The following SORCS1 variants were observed in gnomAD, a reference collection of about 807,000 sequenced individuals.
SORCS1 encodes the protein sortilin related VPS10 domain containing receptor 1, also known as VPS10 domain-containing receptor SorCS1.
Under a neutral mutation model 146.1 loss-of-function variants are expected in SORCS1, and 60 were observed. The ratio of observed to expected loss-of-function variants is 0.41; its 90% CI spans 0.33 to 0.51. The LOEUF is 0.51. Among genes scored for constraint, SORCS1 ranks in the 20% least tolerant of loss-of-function variants. The probability of loss-of-function intolerance (pLI) is 0.21; values close to 1 mark genes in which losing one functional copy is unlikely to be tolerated. For missense variants in SORCS1, 1,352 were observed against 1,487.6 expected (o/e 0.91, Z 1.50); for synonymous variants, 637 against 584.0 (o/e 1.09, Z -1.31).
At chr10:106,786,448 T>C (rs1193221389) in intron 3 of SORCS1, among the ~76,000 whole-genome samples, 9 of 152,148 alleles carry the variant, frequency 5.9e-5, no homozygotes, top group African/African-American at 9.7e-5. Context: ...AGTTTCATAA[T>C]AGTTGAATTT....
At chr10:106,694,073 A>T (rs1853506923) in intron 9 of SORCS1, among the ~76,000 whole-genome samples, 1 of 152,134 alleles carries the variant, frequency 6.6e-6, no homozygotes, top group South Asian at 2.1e-4. Context: ...TGTGGATGGG[A>T]TATTTTTCTC....
chr10:106,825,025 CA>C (rs1948231293), intron 3 of SORCS1, among the ~76,000 whole-genome samples: 1 of 152,038 alleles, frequency 6.6e-6, no homozygotes, highest in Non-Finnish European at 1.5e-5. Context: ...TTGGCTTTTC[CA>C]AGTAAAAAAC....
intron 19 of SORCS1, among the ~76,000 whole-genome samples, chr10:106,628,656 C>A (rs564600719): frequency 6.6e-6 from 1 of 152,276 alleles, no homozygotes; most frequent in South Asian, 2.1e-4. Flanking sequence ...TTTTTATACT[C>A]TTTCTCTCTA....
At chr10:107,129,899 G>A (rs1016017887) in intron 1 of SORCS1, among the ~76,000 whole-genome samples, 1 of 152,204 alleles carries the variant, frequency 6.6e-6, no homozygotes, top group Non-Finnish European at 1.5e-5. Context: ...CTTTGCTCAA[G>A]TGGGAGTTTC....
At chr10:107,011,021 G>A (rs895747522) in intron 1 of SORCS1, among the ~76,000 whole-genome samples, 1 of 152,158 alleles carries the variant, frequency 6.6e-6, no homozygotes, top group Non-Finnish European at 1.5e-5. Context: ...CTGCCTAGAC[G>A]GATGAAGGCA....
At position 106,916,336 on chromosome 10, in the gene SORCS1, T is replaced by C. The variant is rs886079055; in HGVS notation, c.626+40177A>G. On this transcript the variant is annotated intron_variant, in intron 2 of 25. Transcript: ENST00000263054. ...ATGAATGAATGAAGTGGAAAGTTGA[T>C]TGATGGCAATACATTTTTTTTCCAT... Among the ~76,000 whole-genome samples the C allele has an allele frequency of 3.3e-5, 5 of 152,164 alleles. No homozygotes were observed. The East Asian group carries it at 9.7e-4, about 29-fold the overall frequency.
intron 25 of SORCS1, 79 bp from the exon 26 acceptor site, chr10:106,577,634 G>A (rs966608734): frequency 7.6e-6 from 12 of 1,581,834 alleles, no homozygotes; most frequent in South Asian, 4.6e-5. Flanking sequence ...AATGTGCTGC[G>A]ATATCTTCCT....
At chr10:106,989,877 G>A (rs1017026346) in intron 1 of SORCS1, among the ~76,000 whole-genome samples, 9 of 151,446 alleles carry the variant, frequency 5.9e-5, no homozygotes, top group African/African-American at 9.7e-5. Context: ...TAGTACAGAC[G>A]GGGTTTAACC....
chr10:106,909,695 AT>A lies in SORCS1; in HGVS notation c.626+46817del, dbSNP rs764725095. 5.3e-5 allele frequency among the ~76,000 whole-genome samples: 8 copies of A among 152,236 alleles called. No homozygotes were observed. The East Asian group carries it at 7.7e-4, about 15-fold the overall frequency. ...GTTGTGTGCATTCTGTGAATGATTA[AT>A]TTTTTAAATTATTTTTGGCTCCAAC... On this transcript the variant is annotated intron_variant, in intron 2 of 25. Coordinates refer to ENST00000263054, the MANE Select transcript of SORCS1 (RefSeq NM_052918.5).
intron 2 of SORCS1, among the ~76,000 whole-genome samples, chr10:106,915,900 G>T (rs1329983585): frequency 6.6e-6 from 1 of 152,152 alleles, no homozygotes. Flanking sequence ...TCTCCTCCAG[G>T]AGGAGCAATG....
chr10:106,625,183 C>A (rs1217699968), intron 19 of SORCS1, among the ~76,000 whole-genome samples: 1 of 149,466 alleles, frequency 6.7e-6, no homozygotes, highest in Admixed American at 6.7e-5. Flanking sequence ...GCCCGTGAGG[C>A]TGCACATTGT....
chr10:107,175,043 C>T, the SORCS1 span, among the ~76,000 whole-genome samples: 1 of 152,160 alleles, frequency 6.6e-6, no homozygotes, highest in Non-Finnish European at 1.5e-5. Flanking sequence ...TTTTTCTCCT[C>T]TGTTCTGTCA....
intron 2 of SORCS1, among the ~76,000 whole-genome samples, chr10:106,949,940 T>G (rs1954584419): frequency 6.6e-6 from 1 of 152,124 alleles, no homozygotes; most frequent in South Asian, 2.1e-4. Context: ...ATTGCCCTAG[T>G]ATAACAGGGA....
At chr10:107,007,891 A>C (rs1367711854) in intron 1 of SORCS1, among the ~76,000 whole-genome samples, 1 of 152,212 alleles carries the variant, frequency 6.6e-6, no homozygotes, top group Non-Finnish European at 1.5e-5. Context: ...GTTCTTGGCC[A>C]AAAGGCCAGG....
At chr10:107,100,211 G>A (rs558349010) in intron 1 of SORCS1, among the ~76,000 whole-genome samples, 48 of 152,040 alleles carry the variant, frequency 3.2e-4, no homozygotes, top group African/African-American at 1.1e-3. Context: ...TTTGTAAATC[G>A]TAATAAGAAA....
intron 2 of SORCS1, among the ~76,000 whole-genome samples, chr10:106,921,359 T>C (rs72827223): frequency 0.038 from 5,765 of 152,274 alleles, 154 homozygotes; most frequent in Non-Finnish European, 0.063. Context: ...CCCTGGTCCT[T>C]ATCAGGCTCC....
intron 21 of SORCS1, among the ~76,000 whole-genome samples, chr10:106,613,407 T>C (rs1233575514): frequency 1.3e-5 from 2 of 152,132 alleles, no homozygotes; most frequent in Non-Finnish European, 2.9e-5. Context: ...GAAGGTTCAG[T>C]AAGCCTGTTC....
chr10:106,607,632 G>A (rs896495628), intron 22 of SORCS1, among the ~76,000 whole-genome samples: 2 of 152,204 alleles, frequency 1.3e-5, no homozygotes, highest in African/African-American at 4.8e-5. Context: ...GATTAAATGA[G>A]TTACACATGA....
chr10:106,577,274 T>C lies in SORCS1; in HGVS notation c.*146A>G. The C allele has an allele frequency of 1.2e-6, 2 of 1,606,052 alleles. No homozygotes were observed. Among genetic ancestry groups the C allele is most frequent in the South Asian group, 1.1e-5 (1 of 90,128 alleles). On this transcript the variant is annotated 3_prime_UTR_variant, in exon 26 of 26. Transcript: ENST00000263054. ...TTTGTGCTTTGATTCTCAGCAACTATGGAAATACTTCCTGGCAAAATAGGA... is the reference window on the plus strand; with the variant it reads ...TTTGTGCTTTGATTCTCAGCAACTACGGAAATACTTCCTGGCAAAATAGGA...
Sources: gnomAD v4.1 joint callset for allele counts (sites outside exome capture counted in the v4.1 genomes callset) on GRCh38, gnomAD v4.1.1 for gene constraint, MANE v1.5 for transcripts, NCBI Gene and HGNC (gene_info 2026-07-23, HGNC 2026-07-21) for gene names.